PVT1: variants seen among roughly 807,000 people sequenced by gnomAD.
PVT1 encodes the protein CXCR4/PVT1 fusion.
intron 3 of PVT1, among the ~76,000 whole-genome samples, chr8:127,966,233 G>T (rs1816701601): frequency 6.6e-6 from 1 of 152,160 alleles, no homozygotes; most frequent in Non-Finnish European, 1.5e-5. Context: ...AATTTACCTG[G>T]GTTATGGAGT....
chr8:128,073,957 C>T (rs767183246), intron 5 of PVT1, among the ~76,000 whole-genome samples: 89 of 152,100 alleles, frequency 5.9e-4, no homozygotes, highest in Non-Finnish European at 1.2e-3. Context: ...TGTGGCCCTC[C>T]TGGGATGGAA....
At chr8:127,926,083 G>T (rs1037826997) in intron 3 of PVT1, among the ~76,000 whole-genome samples, 1 of 152,078 alleles carries the variant, frequency 6.6e-6, no homozygotes, top group Non-Finnish European at 1.5e-5. Flanking sequence ...TTCTTGTTCT[G>T]CCCACTTCCC....
intron 2 of PVT1, among the ~76,000 whole-genome samples, chr8:127,801,829 G>A (rs1814467911): frequency 6.6e-6 from 1 of 152,122 alleles, no homozygotes. Context: ...AAATTGATAT[G>A]TACTGTGTGT....
intron 4 of PVT1, among the ~76,000 whole-genome samples, chr8:127,999,565 G>A (rs544453426): frequency 1.4e-4 from 21 of 151,922 alleles, no homozygotes; most frequent in African/African-American, 4.3e-4. Context: ...AGGTTCAAGC[G>A]ATCCTCCTGC....
chr8:127,919,145 A>G (rs900896162), intron 3 of PVT1, among the ~76,000 whole-genome samples: 3 of 152,100 alleles, frequency 2.0e-5, no homozygotes, highest in Non-Finnish European at 4.4e-5. Flanking sequence ...CTAACCAGGG[A>G]GCAGTGAAGC....
At chr8:128,084,349 T>C (rs1427637068) in intron 5 of PVT1, among the ~76,000 whole-genome samples, 2 of 152,138 alleles carry the variant, frequency 1.3e-5, no homozygotes, top group African/African-American at 4.8e-5. Context: ...GCACATACGA[T>C]TTTCCTTTTC....
At chr8:128,038,376 T>G (rs988416427) in intron 4 of PVT1, among the ~76,000 whole-genome samples, 2 of 152,164 alleles carry the variant, frequency 1.3e-5, no homozygotes, top group African/African-American at 4.8e-5. Context: ...TGCCTGGCAC[T>G]TCCCTGGGTG....
At position 127,969,664 on chromosome 8, in the gene PVT1, C is replaced by A. The variant is rs532529423; in HGVS notation, n.783-19498C>A. ...TCACTGTGTTCCAGGCTTCTCTCAG[C>A]CCTTCCTGGGTACAGTGCTAGGAAG... On this transcript the variant is annotated intron_variant and non_coding_transcript_variant, in intron 3 of 10. Coordinates refer to ENST00000651587, the Ensembl canonical transcript of PVT1. Among the ~76,000 whole-genome samples, 52 of 152,320 alleles carry A rather than the reference C, an allele frequency of 3.4e-4. No individual in the cohort carries two copies. The South Asian group carries it at 8.1e-3, about 24-fold the overall frequency.
chr8:127,825,012 C>T (rs553510529), intron 2 of PVT1, among the ~76,000 whole-genome samples: 227 of 149,454 alleles, frequency 1.5e-3, no homozygotes, highest in African/African-American at 5.4e-3. Flanking sequence ...CCCAGCTACT[C>T]GGAAGGCTAA....
chr8:128,090,837 C>T (rs186167141), intron 5 of PVT1, among the ~76,000 whole-genome samples: 1 of 152,246 alleles, frequency 6.6e-6, no homozygotes, highest in Admixed American at 6.5e-5. Context: ...TCCACATAAT[C>T]TAGGCTCCTA....
chr8:127,909,388 C>CGA (rs949421015), intron 3 of PVT1, among the ~76,000 whole-genome samples: 1 of 152,024 alleles, frequency 6.6e-6, no homozygotes. Context: ...TGATGCATCT[C>CGA]GAGAGAGAGA....
At chr8:127,855,588 G>C (rs1443370382) in intron 2 of PVT1, among the ~76,000 whole-genome samples, 1 of 152,156 alleles carries the variant, frequency 6.6e-6, no homozygotes, top group African/African-American at 2.4e-5. Flanking sequence ...AAGTGGGTGA[G>C]GGGATTGGAA....
intron 2 of PVT1, among the ~76,000 whole-genome samples, chr8:127,817,762 C>T (rs1236643111): frequency 6.6e-6 from 1 of 151,088 alleles, no homozygotes; most frequent in Non-Finnish European, 1.5e-5. Context: ...GGTGTGGTGG[C>T]ATGTGCCTGC....
chr8:127,927,454 A>G (rs879295925), intron 3 of PVT1, among the ~76,000 whole-genome samples: 1 of 152,102 alleles, frequency 6.6e-6, no homozygotes, highest in Non-Finnish European at 1.5e-5. Flanking sequence ...GCCCCATTGT[A>G]AGCAACATTT....
intron 3 of PVT1, among the ~76,000 whole-genome samples, chr8:127,924,918 G>A (rs1403077669): frequency 2.0e-5 from 3 of 152,152 alleles, no homozygotes; most frequent in African/African-American, 7.2e-5. Context: ...TTAGTGCTGG[G>A]ATTATAGGCA....
At chr8:128,005,753 A>G (rs1160985607) in intron 4 of PVT1, among the ~76,000 whole-genome samples, 1 of 152,038 alleles carries the variant, frequency 6.6e-6, no homozygotes, top group Non-Finnish European at 1.5e-5. Context: ...GAAAGTGGGT[A>G]CTCTCACACA....
chr8:127,957,302 C>T (rs935045777), intron 3 of PVT1, among the ~76,000 whole-genome samples: 4 of 152,298 alleles, frequency 2.6e-5, no homozygotes, highest in Admixed American at 2.6e-4. Flanking sequence ...GACACGGTGG[C>T]TCATGCCTGT....
intron 2 of PVT1, among the ~76,000 whole-genome samples, chr8:127,826,586 G>A (rs1157898232): frequency 2.0e-5 from 3 of 152,148 alleles, no homozygotes; most frequent in Non-Finnish European, 4.4e-5. Context: ...GTTTCCATTT[G>A]TGTGTAAAGG....
rs139309505 is a variant in PVT1 at position 127,875,363 on chromosome 8, GTC to G, written n.373-15206_373-15205del. ...TCTGACTCTGTCTGTCTCTGTCTCT[GTC>G]TCTCTCTCTCTCTCTCTCTTCTTTC... On this transcript the variant is annotated intron_variant and non_coding_transcript_variant, in intron 2 of 10. Coordinates refer to ENST00000651587, the Ensembl canonical transcript of PVT1. Among the ~76,000 whole-genome samples, 286 of 149,246 alleles carry G rather than the reference GTC, an allele frequency of 1.9e-3. 2 individuals are homozygous for G. Among genetic ancestry groups the G allele is most frequent in the African/African-American group, 5.0e-3 (204 of 40,838 alleles).
Sources: allele counts gnomAD v4.1 joint callset (sites outside exome capture counted in the v4.1 genomes callset), GRCh38; gene constraint gnomAD v4.1.1; transcripts MANE v1.5; gene names NCBI Gene and HGNC (gene_info 2026-07-23, HGNC 2026-07-21).